GNA12: variants seen among roughly 807,000 people sequenced by gnomAD.
GNA12 encodes the protein G protein subunit alpha 12.
In GNA12, 9 loss-of-function variants were observed where a neutral mutation model predicts 26.0. The ratio of observed to expected loss-of-function variants is 0.35; its 90% CI spans 0.21 to 0.60. The LOEUF (loss-of-function observed/expected upper bound fraction) is 0.60, where lower values mean the gene tolerates loss of function less well. GNA12 is among the 20% of genes least tolerant of loss of function. The pLI is 0.78. For synonymous variants in GNA12, 264 were observed against 219.6 expected, an observed-to-expected ratio of 1.20 and a Z score of -1.79; for missense variants, 405 against 525.8, an observed-to-expected ratio of 0.77 and a Z score of 2.25.
chr7:2,792,068 C>G (rs532641557), intron 2 of GNA12, among the ~76,000 whole-genome samples: 3 of 152,124 alleles, frequency 2.0e-5, no homozygotes, highest in African/African-American at 4.8e-5. Context: ...ACCAAAGGGA[C>G]GACTACTGAC....
intron 2 of GNA12, 166 bp downstream of exon 2, chr7:2,794,762 G>C (rs572992848): frequency 2.9e-5 from 18 of 617,114 alleles, no homozygotes; most frequent in Non-Finnish European, 5.2e-5. Context: ...CTTTTATATA[G>C]CATCTGCCTC....
In GNA12 at chr7:2,796,109, G is replaced by A. The variant is rs558115760; in HGVS notation, c.310-966C>T. On this transcript the variant is annotated intron_variant, in intron 1 of 3. Transcript: ENST00000275364. ...TCGAACTCCTGACCTCAGCTGATCC[G>A]CCCGCCTCAGCCTCCCCGCCAAAAA... Among the ~76,000 whole-genome samples the A allele has an allele frequency of 5.8e-3, 832 of 144,340 alleles. 11 individuals are homozygous for A. Among genetic ancestry groups the A allele is most frequent in the African/African-American group, 0.023 (795 of 34,456 alleles). The allele number at this position is 144,340 out of a possible 152,430, so 94.7% of individuals were successfully genotyped here. A position where few individuals can be genotyped will look rare whatever the true frequency, so the allele number is the denominator to read the frequency against.
At chr7:2,829,212 C>T (rs1170624530) in intron 1 of GNA12, among the ~76,000 whole-genome samples, 1 of 152,220 alleles carries the variant, frequency 6.6e-6, no homozygotes, top group African/African-American at 2.4e-5. Context: ...AAACAGGTCC[C>T]TGCCCCAGGC....
intron 1 of GNA12, among the ~76,000 whole-genome samples, chr7:2,799,499 T>C (rs964273401): frequency 3.3e-5 from 5 of 152,148 alleles, no homozygotes; most frequent in African/African-American, 1.2e-4. Context: ...TGAAGATAGC[T>C]TGAGCCCAAG....
chr7:2,821,588 C>A (rs1051236773), intron 1 of GNA12, among the ~76,000 whole-genome samples: 1 of 152,232 alleles, frequency 6.6e-6, no homozygotes, highest in African/African-American at 2.4e-5. Flanking sequence ...AAACAATTCA[C>A]CCCAAACGGT....
At chr7:2,744,980 A>G (rs1027670846) in intron 2 of GNA12, among the ~76,000 whole-genome samples, 3 of 152,222 alleles carry the variant, frequency 2.0e-5, no homozygotes, top group Admixed American at 6.5e-5. Context: ...AAAAGAATAA[A>G]AAGAAACGAA....
At chr7:2,806,475 A>AAAAAAAAAAAAAAAAAAAAAG (rs1554262008) in intron 1 of GNA12, among the ~76,000 whole-genome samples, 1 of 150,646 alleles carries the variant, frequency 6.6e-6, no homozygotes, top group Non-Finnish European at 1.5e-5. Flanking sequence ...AAAAAAAAAA[A>AAAAAAAAAAAAAAAAAAAAAG]AAAGAAAAAG....
At chr7:2,756,741 G>C (rs573238773) in intron 2 of GNA12, among the ~76,000 whole-genome samples, 1 of 152,314 alleles carries the variant, frequency 6.6e-6, no homozygotes, top group South Asian at 2.1e-4. Flanking sequence ...GAGTGTGGAA[G>C]GGACCTGAGA....
chr7:2,769,812 C>A (rs1791903127), intron 2 of GNA12, among the ~76,000 whole-genome samples: 1 of 152,150 alleles, frequency 6.6e-6, no homozygotes, highest in South Asian at 2.1e-4. Flanking sequence ...CAATTTATAT[C>A]CTAATGAACA....
In GNA12 at chr7:2,801,415, C is replaced by A. The variant is rs1299025986; in HGVS notation, c.310-6272G>T. 2.0e-5 allele frequency among the ~76,000 whole-genome samples: 3 copies of A among 152,182 alleles called. No homozygotes were observed. The East Asian group carries it at 5.8e-4, about 29-fold the overall frequency. ...CACTTACGAAGACTGCAGGACTGCA[C>A]ACACCAGGCCTTCCCCAACTATCAG... On this transcript the variant is annotated intron_variant, in intron 1 of 3. Transcript: ENST00000275364.
intron 2 of GNA12, among the ~76,000 whole-genome samples, chr7:2,792,015 T>G (rs1792533160): frequency 6.6e-6 from 1 of 152,158 alleles, no homozygotes; most frequent in Non-Finnish European, 1.5e-5. Flanking sequence ...CAGTATATTT[T>G]CTGTATCTTC....
At chr7:2,814,837 C>T (rs1793176965) in intron 1 of GNA12, 2 of 1,583,606 alleles carry the variant, frequency 1.3e-6, no homozygotes, top group South Asian at 1.1e-5. Context: ...CTCCCGACAG[C>T]ACCGGGTGTG....
intron 1 of GNA12, among the ~76,000 whole-genome samples, chr7:2,822,226 G>A (rs946090412): frequency 6.6e-6 from 1 of 152,136 alleles, no homozygotes; most frequent in African/African-American, 2.4e-5. Flanking sequence ...TTCTTCGTAC[G>A]TTTTCAACCA....
intron 2 of GNA12, among the ~76,000 whole-genome samples, chr7:2,742,419 G>T (rs771041750): frequency 6.6e-6 from 1 of 152,246 alleles, no homozygotes; most frequent in South Asian, 2.1e-4. Flanking sequence ...TTTCCAGTCA[G>T]TGCCACTCCA....
chr7:2,770,551 G>C (rs1332531584), intron 2 of GNA12, among the ~76,000 whole-genome samples: 1 of 152,152 alleles, frequency 6.6e-6, no homozygotes, highest in African/African-American at 2.4e-5. Context: ...GAGCCCAGGA[G>C]TTTGAGGATG....
intron 2 of GNA12, chr7:2,765,038 A>T (rs1791746413): frequency 6.6e-6 from 1 of 152,262 alleles, no homozygotes; most frequent in Admixed American, 6.5e-5. Context: ...AAGGAAGCAT[A>T]ATCTCAGAAA....
intron 1 of GNA12, among the ~76,000 whole-genome samples, chr7:2,822,352 G>A (rs1355552988): frequency 6.6e-6 from 1 of 152,170 alleles, no homozygotes; most frequent in African/African-American, 2.4e-5. Flanking sequence ...CAGTAACTAA[G>A]AGTGGTAGTT....
chr7:2,754,797 A>G (rs1791212567), intron 2 of GNA12, among the ~76,000 whole-genome samples: 1 of 152,152 alleles, frequency 6.6e-6, no homozygotes, highest in African/African-American at 2.4e-5. Context: ...GATGAAACAA[A>G]AATGACCGTT....
intron 1 of GNA12, among the ~76,000 whole-genome samples, chr7:2,839,073 G>T (rs2533878): frequency 1.3e-5 from 2 of 152,026 alleles, no homozygotes; most frequent in African/African-American, 2.4e-5. Flanking sequence ...ATGTACTTAC[G>T]GGATGTTCAC....
Sources: gnomAD v4.1 joint callset for allele counts (sites outside exome capture counted in the v4.1 genomes callset) on GRCh38, gnomAD v4.1.1 for gene constraint, MANE v1.5 for transcripts, NCBI Gene and HGNC (gene_info 2026-07-23, HGNC 2026-07-21) for gene names.